Variants in ATF7 observed in about 807,000 individuals in gnomAD.
ATF7 encodes the protein cyclic AMP-dependent transcription factor ATF-7.
Under a neutral mutation model 50.4 loss-of-function variants are expected in ATF7, and 10 were observed. The observed-to-expected ratio is 0.20, with a 90% CI of 0.12 to 0.34. The LOEUF (loss-of-function observed/expected upper bound fraction) is 0.34. Among genes scored for constraint, ATF7 ranks in the 10% least tolerant of loss-of-function variants. ATF7 has a pLI of 1.00. For missense variants in ATF7, 465 were observed against 613.9 expected, an observed-to-expected ratio of 0.76 and a Z score of 2.56; for synonymous variants, 201 against 226.4, an observed-to-expected ratio of 0.89 and a Z score of 1.01.
In ATF7 at chr12:53,569,421, C is replaced by T. The variant is rs553152539; in HGVS notation, c.49-16784G>A. On this transcript the variant is annotated intron_variant, in intron 2 of 11. Coordinates refer to ENST00000420353, the MANE Select transcript of ATF7 (RefSeq NM_006856.3). ...CTTATATGTGGAATGTTCTTCTCTACTTTCTCTGGGAAACTTCTATTTACC... is the reference window on the plus strand; with the variant it reads ...CTTATATGTGGAATGTTCTTCTCTATTTTCTCTGGGAAACTTCTATTTACC... Among the ~76,000 whole-genome samples, 66 of 152,348 alleles carry T rather than the reference C, an allele frequency of 4.3e-4. 1 individual carries two copies. The highest frequency in any genetic ancestry group is 1.5e-3 in the African/African-American group (63 of 41,580).
In ATF7 at chr12:53,534,763, A is replaced by G. The variant is rs1939120304; in HGVS notation, c.403-104T>C. On this transcript the variant is annotated intron_variant, in intron 5 of 11. Transcript: ENST00000420353. ...ACAAATTTATTGGAAAGAGCATTAG[A>G]GCCACTCATTAAATCATGACCTGAT... 7 of 1,296,786 alleles carry G rather than the reference A, an allele frequency of 5.4e-6. No individual in the cohort carries two copies. The African/African-American group carries it at 9.2e-5, about 17-fold the overall frequency. The allele number at this position is 1,296,786 out of a possible 1,614,324, so 80.3% of individuals were successfully genotyped here. A position where few individuals can be genotyped will look rare whatever the true frequency, so the allele number is the denominator to read the frequency against.
intron 2 of ATF7, among the ~76,000 whole-genome samples, chr12:53,552,884 G>GGA (rs1341537189): frequency 1.3e-5 from 2 of 151,970 alleles, no homozygotes; most frequent in African/African-American, 4.8e-5. Flanking sequence ...CAACAGAAGT[G>GGA]GACAGATTGT....
intron 2 of ATF7, among the ~76,000 whole-genome samples, chr12:53,592,308 T>C (rs995164378): frequency 1.3e-5 from 2 of 152,246 alleles, no homozygotes; most frequent in African/African-American, 2.4e-5. Flanking sequence ...AAAGGCACTG[T>C]TACAAAGAGA....
At chr12:53,511,407 AC>A (rs1380653320), downstream of ATF7, among the ~76,000 whole-genome samples, 5 of 151,914 alleles carry the variant, frequency 3.3e-5, no homozygotes, top group Non-Finnish European at 7.4e-5. Flanking sequence ...CGCCACCAAC[AC>A]CTGGCTAATT....
At chr12:53,543,014 TTATCACCTTTTAACATC>T (rs1939665329) in intron 4 of ATF7, 1 of 1,228,362 alleles carries the variant, frequency 8.1e-7, no homozygotes, top group African/African-American at 1.6e-5. Flanking sequence ...TCTGAGTAAT[TTATCACCTTTTAACATC>T]TTCAACATAT....
At chr12:53,618,531 G>C (rs1477086462) in intron 1 of ATF7, among the ~76,000 whole-genome samples, 3 of 152,164 alleles carry the variant, frequency 2.0e-5, no homozygotes, top group African/African-American at 7.2e-5. Flanking sequence ...AAATTCAACT[G>C]TCAGGTCTAA....
Position 53,609,856 on chromosome 12 carries a change from G to A in ATF7, c.-21-8835C>T, listed in dbSNP as rs866229991. Among the ~76,000 whole-genome samples, 534 of 112,120 alleles carry A rather than the reference G, an allele frequency of 4.8e-3. 4 individuals are homozygous for A. The highest frequency in any genetic ancestry group is 0.018 in the African/African-American group (502 of 27,462). The allele number at this position is 112,120 out of a possible 152,430, so 73.6% of individuals were successfully genotyped here. A position where few individuals can be genotyped will look rare whatever the true frequency, so the allele number is the denominator to read the frequency against. ...TTTTTAGACAGGGTCTTGCTCTGTCGCCCAGGCTGGAGTGCAGTGGTGTGA... is the reference window on the plus strand; with the variant it reads ...TTTTTAGACAGGGTCTTGCTCTGTCACCCAGGCTGGAGTGCAGTGGTGTGA... On this transcript the variant is annotated intron_variant, in intron 1 of 11. Transcript: ENST00000420353.
At chr12:53,546,102 G>A (rs1013642615) in intron 3 of ATF7, among the ~76,000 whole-genome samples, 1 of 152,136 alleles carries the variant, frequency 6.6e-6, no homozygotes, top group Non-Finnish European at 1.5e-5. Flanking sequence ...TGAGGCAGGC[G>A]AATTGCTTGA....
chr12:53,520,918 C>T (rs966550050), intron 11 of ATF7, among the ~76,000 whole-genome samples: 9 of 152,106 alleles, frequency 5.9e-5, no homozygotes, highest in African/African-American at 2.2e-4. Flanking sequence ...CTTGTATTAC[C>T]GTAACAGCCC....
chr12:53,562,328 AC>A (rs761983698), intron 2 of ATF7, among the ~76,000 whole-genome samples: 3 of 152,102 alleles, frequency 2.0e-5, no homozygotes, highest in Non-Finnish European at 4.4e-5. Flanking sequence ...CTACAAAGCA[AC>A]CCCAACCTAC....
intron 2 of ATF7, among the ~76,000 whole-genome samples, chr12:53,582,482 C>T (rs1384165824): frequency 6.6e-6 from 1 of 151,762 alleles, no homozygotes; most frequent in African/African-American, 2.4e-5. Context: ...CCAACACCCC[C>T]CGCCCCAAAA....
At chr12:53,554,934 T>G (rs1004840528) in intron 2 of ATF7, among the ~76,000 whole-genome samples, 3 of 136,980 alleles carry the variant, frequency 2.2e-5, no homozygotes, top group Non-Finnish European at 3.1e-5. Flanking sequence ...GGACAAAAAC[T>G]GAATAAAATG....
intron 1 of ATF7, among the ~76,000 whole-genome samples, chr12:53,612,928 T>C (rs1404966632): frequency 6.6e-6 from 1 of 151,918 alleles, no homozygotes; most frequent in Non-Finnish European, 1.5e-5. Context: ...CGCTTGAACC[T>C]GGGAGGCAGA....
At chr12:53,509,359 C>A (rs1199563303), downstream of ATF7, among the ~76,000 whole-genome samples, 1 of 152,152 alleles carries the variant, frequency 6.6e-6, no homozygotes, top group Non-Finnish European at 1.5e-5. Flanking sequence ...CATATTTATC[C>A]TTGTGCCGAG....
Position 53,512,244 on chromosome 12 carries a change from G to A in ATF7, c.*4893C>T, listed in dbSNP as rs1193675806. 1 of 152,208 alleles carries A rather than the reference G, an allele frequency of 6.6e-6. No individual in the cohort carries two copies. Among genetic ancestry groups the A allele is most frequent in the African/African-American group, 2.4e-5 (1 of 41,422 alleles). 9.4% of individuals were successfully genotyped at this position (152,208 alleles called of 1,614,324 possible). Reference sequence around the variant, plus strand: ...TCAGCCCAGTCCCAGGAGATTGTGAGAACCAGCTCACAGGGATCATGCTGA... The same window carrying A: ...TCAGCCCAGTCCCAGGAGATTGTGAAAACCAGCTCACAGGGATCATGCTGA... On this transcript the variant is annotated 3_prime_UTR_variant, in exon 12 of 12. Coordinates refer to ENST00000420353, the MANE Select transcript of ATF7 (RefSeq NM_006856.3).
intron 2 of ATF7, among the ~76,000 whole-genome samples, chr12:53,573,768 A>C (rs549101715): frequency 6.6e-6 from 1 of 152,288 alleles, no homozygotes; most frequent in South Asian, 2.1e-4. Context: ...ACCAGAGCCT[A>C]ACCTGCTGCG....
intron 11 of ATF7, among the ~76,000 whole-genome samples, chr12:53,521,141 T>C (rs894813502): frequency 1.3e-5 from 2 of 152,074 alleles, no homozygotes; most frequent in African/African-American, 2.4e-5. Context: ...TACAGGCGCA[T>C]GCCACCACGC....
intron 9 of ATF7, among the ~76,000 whole-genome samples, chr12:53,529,015 G>A (rs906902952): frequency 1.3e-5 from 2 of 152,006 alleles, no homozygotes; most frequent in Non-Finnish European, 2.9e-5. Flanking sequence ...TGAGGCGGGA[G>A]GACTGCTTGA....
chr12:53,626,006 A>C (rs921608561), intron 1 of ATF7: 1 of 152,212 alleles, frequency 6.6e-6, no homozygotes, highest in African/African-American at 2.4e-5. Flanking sequence ...CAAAGGAAGG[A>C]GGCGGGAGTA....
Sources: allele counts gnomAD v4.1 joint callset (sites outside exome capture counted in the v4.1 genomes callset), GRCh38; gene constraint gnomAD v4.1.1; transcripts MANE v1.5; gene names NCBI Gene and HGNC (gene_info 2026-07-23, HGNC 2026-07-21).